Variants in GNS observed in about 807,000 individuals in gnomAD.
GNS encodes the protein N-acetylglucosamine-6-sulfatase.
GNS carries 40 observed loss-of-function variants against 69.7 expected under a neutral mutation model. The ratio of observed to expected loss-of-function variants is 0.57; its 90% CI spans 0.45 to 0.75. GNS has a LOEUF of 0.75. GNS is among the 30% of genes least tolerant of loss of function. The pLI is 0.00. For missense variants in GNS, 565 were observed against 685.5 expected, an observed-to-expected ratio of 0.82 and a Z score of 1.96; for synonymous variants, 243 against 251.6, an observed-to-expected ratio of 0.97 and a Z score of 0.32.
intron 8 of GNS, among the ~76,000 whole-genome samples, chr12:64,738,963 G>A (rs532009887): frequency 6.6e-6 from 1 of 152,252 alleles, no homozygotes; most frequent in East Asian, 1.9e-4. Context: ...GAAGGTCCAA[G>A]CAGAAAGCAT....
chr12:64,732,278 C>T (rs1869425150), intron 9 of GNS, among the ~76,000 whole-genome samples: 1 of 150,916 alleles, frequency 6.6e-6, no homozygotes, highest in Non-Finnish European at 1.5e-5. Context: ...TGCCATTCTC[C>T]TGCCTCAGCC....
chr12:64,738,691 T>C (rs1869627702), intron 8 of GNS, among the ~76,000 whole-genome samples: 1 of 152,066 alleles, frequency 6.6e-6, no homozygotes, highest in African/African-American at 2.4e-5. Flanking sequence ...CGTGTGCCTG[T>C]AGTCCCAGCT....
intron 1 of GNS, chr12:64,756,631 G>A (rs922333854): frequency 6.5e-6 from 5 of 768,074 alleles, no homozygotes; most frequent in Non-Finnish European, 1.1e-5. Context: ...GAGGACTCCT[G>A]TGATGACTGA....
At chr12:64,720,281 A>T in intron 12 of GNS, 99 bp from the exon 13 acceptor site, 1 of 798,510 alleles carries the variant, frequency 1.3e-6, no homozygotes, top group Non-Finnish European at 2.1e-6. Context: ...GGGAGGAGGT[A>T]GATTAAAAAA....
At chr12:64,758,712 T>C (rs1223144705) in intron 1 of GNS, among the ~76,000 whole-genome samples, 1 of 152,184 alleles carries the variant, frequency 6.6e-6, no homozygotes, top group African/African-American at 2.4e-5. Context: ...GGGACTGGAC[T>C]TGTCTGTGAT....
chr12:64,740,833 G>T (rs1163486983), intron 6 of GNS, 145 bp from the exon 7 acceptor site: 1 of 660,014 alleles, frequency 1.5e-6, no homozygotes, highest in East Asian at 2.7e-5. Flanking sequence ...AGCAATTTCA[G>T]AACTTCTCTC....
chr12:64,758,345 A>G (rs1870337565), intron 1 of GNS, among the ~76,000 whole-genome samples: 1 of 98,248 alleles, frequency 1.0e-5, no homozygotes, highest in African/African-American at 3.9e-5. Context: ...TTTTTTGGAG[A>G]CGGAGTCTCG....
At chr12:64,734,212 C>A (rs1006876754) in intron 9 of GNS, among the ~76,000 whole-genome samples, 1 of 152,232 alleles carries the variant, frequency 6.6e-6, no homozygotes, top group Non-Finnish European at 1.5e-5. Flanking sequence ...AATTTTCAGT[C>A]CCTGATCTGC....
At chr12:64,734,338 C>A (rs1037922086) in intron 9 of GNS, among the ~76,000 whole-genome samples, 33 of 152,122 alleles carry the variant, frequency 2.2e-4, no homozygotes, top group Admixed American at 3.3e-4. Flanking sequence ...ACATCCTAGA[C>A]TGAAAAAGAC....
intron 1 of GNS, among the ~76,000 whole-genome samples, 192 bp downstream of exon 1, chr12:64,758,893 C>G (rs1199691969): frequency 6.6e-6 from 1 of 152,180 alleles, no homozygotes; most frequent in Non-Finnish European, 1.5e-5. Context: ...TACGCATGTG[C>G]CTCAATCCAG....
chr12:64,735,042 G>A (rs1869520419), intron 9 of GNS, among the ~76,000 whole-genome samples: 1 of 152,106 alleles, frequency 6.6e-6, no homozygotes, highest in Non-Finnish European at 1.5e-5. Context: ...CCCAGGAGGC[G>A]GAGCTTGCAG....
chr12:64,752,446 C>G (rs1870109558), intron 2 of GNS, among the ~76,000 whole-genome samples: 1 of 152,078 alleles, frequency 6.6e-6, no homozygotes, highest in Non-Finnish European at 1.5e-5. Context: ...AATCCATTTT[C>G]AAACCTCAAA....
chr12:64,754,108 A>C (rs1350534405), intron 1 of GNS, among the ~76,000 whole-genome samples: 3 of 152,226 alleles, frequency 2.0e-5, no homozygotes, highest in Admixed American at 6.5e-5. Flanking sequence ...TTACAGTAAG[A>C]CTGTGTAATA....
chr12:64,720,146 C>T lies in GNS; in HGVS notation c.1456G>A (p.Asp486Asn). Residue 486 changes from aspartate (D) to asparagine (N), a missense_variant, in exon 13 of 14, where the codon GAC becomes AAC. Physicochemically the swap from Asp to Asn is conservative, Grantham distance 23 (BLOSUM62 1). Transcript: ENST00000258145. ...VEVYNLTADPDQITNIAKTID... is the reference protein window; with the variant it reads ...VEVYNLTADPNQITNIAKTID... ...GTTTTAGCAATGTTAGTGATCTGGTCTGGGTCTGCAGTCAGATTATAGACT... is the reference window on the plus strand; with the variant it reads ...GTTTTAGCAATGTTAGTGATCTGGTTTGGGTCTGCAGTCAGATTATAGACT... 1 of 1,605,452 alleles carries T rather than the reference C, an allele frequency of 6.2e-7. No individual in the cohort carries two copies. Among genetic ancestry groups the T allele is most frequent in the Non-Finnish European group, 8.5e-7 (1 of 1,172,202 alleles).
chr12:64,754,189 C>T (rs1870171110), intron 1 of GNS, among the ~76,000 whole-genome samples: 1 of 152,180 alleles, frequency 6.6e-6, no homozygotes, highest in South Asian at 2.1e-4. Flanking sequence ...ATGGTCCTCG[C>T]CCTCATGATC....
At position 64,742,083 on chromosome 12, in the gene GNS, C is replaced by T. The variant is rs142199899; in HGVS notation, c.792+1058G>A. 3.2e-3 allele frequency among the ~76,000 whole-genome samples: 488 copies of T among 152,056 alleles called. 4 individuals carry two copies. Among genetic ancestry groups the T allele is most frequent in the African/African-American group, 0.011 (456 of 41,438 alleles). On this transcript the variant is annotated intron_variant, in intron 6 of 13. Coordinates refer to ENST00000258145, the MANE Select transcript of GNS (RefSeq NM_002076.4). ...TTTCCCAGGCTGGAGTGCAGTGGTG[C>T]GATCTCGGCTCACGGCAAGCTCCGC...
At chr12:64,730,949 A>T (rs1474140962) in intron 9 of GNS, among the ~76,000 whole-genome samples, 1 of 152,224 alleles carries the variant, frequency 6.6e-6, no homozygotes, top group Non-Finnish European at 1.5e-5. Flanking sequence ...GTTTTAAAAG[A>T]AAAGAGGAAA....
intron 9 of GNS, among the ~76,000 whole-genome samples, chr12:64,734,841 G>A (rs751338730): frequency 6.6e-5 from 10 of 152,116 alleles, no homozygotes; most frequent in African/African-American, 1.2e-4. Context: ...GGTGGCTCGC[G>A]CCTGTAATCC....
At chr12:64,729,334 A>C (rs1466744505) in intron 9 of GNS, 12 of 394,590 alleles carry the variant, frequency 3.0e-5, no homozygotes, top group Non-Finnish European at 4.2e-5. Flanking sequence ...TTTTTTGAAA[A>C]CTCCTTTGGG....
Sources: allele counts gnomAD v4.1 joint callset (sites outside exome capture counted in the v4.1 genomes callset), GRCh38; gene constraint gnomAD v4.1.1; transcripts MANE v1.5; gene names NCBI Gene and HGNC (gene_info 2026-07-23, HGNC 2026-07-21).